Variants in MYLK4 observed in about 807,000 individuals in gnomAD.
MYLK4 encodes the protein caMLCK like.
A neutral mutation model predicts 48.1 loss-of-function variants in MYLK4; 46 were observed. That is an observed-to-expected ratio of 0.96 (90% CI 0.75 to 1.22). The LOEUF is 1.22. Ranked by LOEUF, MYLK4 falls within the 50% of genes most tolerant of loss-of-function variation. The pLI is 0.00. For missense variants in MYLK4, 451 were observed against 486.1 expected, an observed-to-expected ratio of 0.93 and a Z score of 0.68; for synonymous variants, 170 against 180.8, an observed-to-expected ratio of 0.94 and a Z score of 0.48.
upstream of MYLK4, chr6:2,750,979 G>A (rs796613194): frequency 6.6e-6 from 1 of 152,634 alleles, no homozygotes; most frequent in South Asian, 2.1e-4. Context: ...ACGTTGCTCA[G>A]CTGTTGCCTT....
intron 2 of MYLK4, among the ~76,000 whole-genome samples, chr6:2,705,441 T>C (rs565517862): frequency 6.6e-6 from 1 of 152,322 alleles, no homozygotes; most frequent in East Asian, 1.9e-4. Flanking sequence ...AGAGTCTGAG[T>C]TTGTAACACA....
rs765570585 is a variant in MYLK4 at position 2,692,846 on chromosome 6, C to T, written c.173G>A (p.Trp58Ter). Reference protein sequence around the residue: ...RSGHNEAKEVWSNADLTERMP... With the variant: ...RSGHNEAKEV ...CCTTTCCGTCAGGTCGGCGTTTGAC[C>T]ACACCTCCTTCGCCTGTGGAGGCAC... The change falls in exon 3 of 13, where the codon TGG becomes TAG. Residue 58 changes from tryptophan (W) to a stop codon, truncating the protein, a stop_gained. Transcript: ENST00000274643. LOFTEE classifies it high-confidence loss of function. 4.7e-5 allele frequency: 76 copies of T among 1,613,164 alleles called. No individual in the cohort carries two copies. Among genetic ancestry groups the T allele is most frequent in the Middle Eastern group, 1.6e-4 (1 of 6,082 alleles).
chr6:2,724,896 G>T (rs367740104), intron 2 of MYLK4, among the ~76,000 whole-genome samples: 15 of 152,240 alleles, frequency 9.9e-5, no homozygotes, highest in East Asian at 7.7e-4. Context: ...ATTAAGAATA[G>T]GCTGGGCATT....
intron 10 of MYLK4, among the ~76,000 whole-genome samples, chr6:2,677,161 C>T (rs371129062): frequency 6.6e-6 from 1 of 152,132 alleles, no homozygotes; most frequent in African/African-American, 2.4e-5. Context: ...CATTTTATTA[C>T]ATCTTTTTAA....
intron 7 of MYLK4, among the ~76,000 whole-genome samples, chr6:2,682,688 C>T (rs995138948): frequency 1.3e-5 from 2 of 152,202 alleles, no homozygotes; most frequent in Non-Finnish European, 2.9e-5. Flanking sequence ...AAAATCCTCT[C>T]ACCTACTTGT....
chr6:2,711,304 A>T (rs1380576075), intron 2 of MYLK4, among the ~76,000 whole-genome samples: 1 of 152,220 alleles, frequency 6.6e-6, no homozygotes, highest in Non-Finnish European at 1.5e-5. Context: ...ACCATCAACA[A>T]CTAGTTTAGT....
At chr6:2,706,049 G>A (rs1261986706) in intron 2 of MYLK4, among the ~76,000 whole-genome samples, 3 of 152,138 alleles carry the variant, frequency 2.0e-5, no homozygotes, top group South Asian at 2.1e-4. Flanking sequence ...AGGGATGACC[G>A]TCGATAACAC....
rs895572694 is a variant in MYLK4 at position 2,718,120 on chromosome 6, C to T, written c.160-25261G>A. ...ATTTGAACCTGGGAGGTGGAGATTG[C>T]AGTGAGCCGAGATCACACCATTGCA... On this transcript the variant is annotated intron_variant, in intron 2 of 12. Transcript: ENST00000274643. 2.7e-5 allele frequency among the ~76,000 whole-genome samples: 4 copies of T among 149,118 alleles called. No individual in the cohort carries two copies. In the Admixed American group the frequency reaches 2.7e-4, roughly 10 times the overall value.
intron 2 of MYLK4, among the ~76,000 whole-genome samples, chr6:2,721,592 C>A (rs1026567579): frequency 4.1e-4 from 62 of 152,314 alleles, no homozygotes; most frequent in Admixed American, 1.1e-3. Context: ...GCTCAGAGAT[C>A]TACCCCTTCT....
chr6:2,694,488 GTC>G (rs2113181011), intron 2 of MYLK4, among the ~76,000 whole-genome samples: 2 of 103,194 alleles, frequency 1.9e-5, no homozygotes, highest in African/African-American at 7.7e-5. Flanking sequence ...GATGGTAGTG[GTC>G]ATGGTGGTGG....
At position 2,749,063 on chromosome 6, in the gene MYLK4, A is replaced by T. The variant is rs981811268; in HGVS notation, c.159+73T>A. ...TAAACTTTCCTTAATTGTACTCACA[A>T]GCGGCTCCATGACATTAGAAAAGAT... On this transcript the variant is annotated intron_variant, in intron 2 of 12. Transcript: ENST00000274643. 3.6e-6 allele frequency: 5 copies of T among 1,405,652 alleles called. No homozygotes were observed. In the African/African-American group the frequency reaches 7.1e-5, roughly 20 times the overall value. The allele number at this position is 1,405,652 out of a possible 1,614,324, so 87.1% of individuals were successfully genotyped here.
At chr6:2,767,329 G>A in the MYLK4 span, among the ~76,000 whole-genome samples, 15 of 152,256 alleles carry the variant, frequency 9.9e-5, no homozygotes, top group Non-Finnish European at 2.1e-4. Flanking sequence ...CATCAGGAAG[G>A]GAAAGGGAGA....
intron 2 of MYLK4, among the ~76,000 whole-genome samples, chr6:2,698,083 A>T (rs1762134858): frequency 6.6e-6 from 1 of 152,248 alleles, no homozygotes; most frequent in South Asian, 2.1e-4. Flanking sequence ...TTTTGGGATT[A>T]CAGTTGCTGC....
the MYLK4 span, among the ~76,000 whole-genome samples, chr6:2,757,139 CTT>C: frequency 3.5e-5 from 5 of 144,214 alleles, no homozygotes; most frequent in Admixed American, 6.9e-5. Context: ...CAGAGGTGTG[CTT>C]TTTTTTTTTT....
At chr6:2,734,991 T>C (rs1763619059) in intron 2 of MYLK4, among the ~76,000 whole-genome samples, 1 of 152,162 alleles carries the variant, frequency 6.6e-6, no homozygotes. Context: ...TTCCAGCTTG[T>C]GATGATGTTT....
rs181093569 is a variant in MYLK4, at chr6:2,685,057, A to G, written c.545+239T>C. ...AAGCTTGATTTTTGACAAACAGCGT[A>G]GATACAAAGCTAGATCTACTTGGTC... On this transcript the variant is annotated intron_variant, in intron 6 of 12. Coordinates refer to ENST00000274643, the MANE Select transcript of MYLK4 (RefSeq NM_001012418.5). The surrounding 1 kb of genome is among the most constrained non-coding windows in gnomAD (Gnocchi z 4.5). Among the ~76,000 whole-genome samples the G allele has an allele frequency of 4.2e-3, 644 of 152,324 alleles. 5 individuals are homozygous for G. The highest frequency in any genetic ancestry group is 5.8e-3 in the Non-Finnish European group (392 of 68,032).
chr6:2,670,742 C>G (rs1029331092), intron 12 of MYLK4, among the ~76,000 whole-genome samples: 1 of 152,030 alleles, frequency 6.6e-6, no homozygotes, highest in East Asian at 1.9e-4. Context: ...TAGAGCAGGC[C>G]AAGATCAGGA....
the MYLK4 span, among the ~76,000 whole-genome samples, chr6:2,762,253 A>G: frequency 2.0e-5 from 3 of 152,138 alleles, no homozygotes; most frequent in Admixed American, 2.0e-4. Context: ...CCATGACAAT[A>G]CTTTTGAAAA....
intron 11 of MYLK4, 114 bp from the exon 12 acceptor site, chr6:2,671,462 G>A (rs1424495244): frequency 1.0e-5 from 10 of 992,598 alleles, no homozygotes; most frequent in Non-Finnish European, 1.5e-5. Context: ...TGCTCTTCAA[G>A]AGAAGTTCTT....
Sources: gnomAD v4.1 joint callset for allele counts (sites outside exome capture counted in the v4.1 genomes callset) on GRCh38, gnomAD v4.1.1 for gene constraint, Gnocchi (gnomAD v3.1) non-coding constraint, MANE v1.5 for transcripts, NCBI Gene and HGNC (gene_info 2026-07-23, HGNC 2026-07-21) for gene names.